Variants in LOC128462377 observed in about 807,000 individuals in gnomAD.
At chr16:89,367,864 G>C in the LOC128462377 span, among the ~76,000 whole-genome samples, 66 of 152,234 alleles carry the variant, frequency 4.3e-4, 1 homozygote, top group African/African-American at 1.5e-3. Flanking sequence ...AAATCAGTCA[G>C]GCACGGTGGT....
chr16:89,320,566 G>A, the LOC128462377 span, among the ~76,000 whole-genome samples: 1 of 152,172 alleles, frequency 6.6e-6, no homozygotes, highest in Admixed American at 6.5e-5. Flanking sequence ...ACCTCCTGGC[G>A]GATGGCAACC....
chr16:89,357,682 C>G, the LOC128462377 span, among the ~76,000 whole-genome samples: 1 of 152,300 alleles, frequency 6.6e-6, no homozygotes, highest in East Asian at 1.9e-4. Flanking sequence ...TCAGCCCTAA[C>G]GAGGAATGCC....
chr16:89,355,217 G>A, the LOC128462377 span, among the ~76,000 whole-genome samples: 1 of 151,998 alleles, frequency 6.6e-6, no homozygotes, highest in South Asian at 2.1e-4. Flanking sequence ...GGCGGGCAGA[G>A]GGCTCACGGA....
At chr16:89,357,500 C>T in the LOC128462377 span, among the ~76,000 whole-genome samples, 2 of 152,178 alleles carry the variant, frequency 1.3e-5, no homozygotes, top group Admixed American at 6.5e-5. Flanking sequence ...AGCATATGAT[C>T]CAGCAGTTCC....
the LOC128462377 span, among the ~76,000 whole-genome samples, chr16:89,387,989 G>T: frequency 3.2e-3 from 489 of 150,750 alleles, 2 homozygotes; most frequent in African/African-American, 0.011. Flanking sequence ...CTCCAGCCTG[G>T]GCAACAGAGC....
chr16:89,383,536 A>G, the LOC128462377 span, among the ~76,000 whole-genome samples: 1 of 152,264 alleles, frequency 6.6e-6, no homozygotes, highest in Non-Finnish European at 1.5e-5. Context: ...GTCTGCAAGA[A>G]GGAAGAGCCA....
At chr16:89,369,155 A>G in the LOC128462377 span, among the ~76,000 whole-genome samples, 393 of 152,312 alleles carry the variant, frequency 2.6e-3, 3 homozygotes, top group African/African-American at 8.7e-3. Context: ...AGATCACAGC[A>G]TAAGCACCCC....
the LOC128462377 span, among the ~76,000 whole-genome samples, chr16:89,330,561 G>A: frequency 2.0e-5 from 3 of 151,380 alleles, no homozygotes; most frequent in Admixed American, 6.6e-5. Context: ...GGGTGGTGTG[G>A]GGGGGAGCCA....
the LOC128462377 span, among the ~76,000 whole-genome samples, chr16:89,359,130 T>C: frequency 0.034 from 5,117 of 152,140 alleles, 281 homozygotes; most frequent in African/African-American, 0.12. Flanking sequence ...ATTGTCACTG[T>C]CCTCATCTAA....
chr16:89,403,792 G>A, the LOC128462377 span: 1 of 152,162 alleles, frequency 6.6e-6, no homozygotes, highest in African/African-American at 2.4e-5. Context: ...AATTAGGCGG[G>A]TGTGGTGACA....
chr16:89,325,869 C>T, the LOC128462377 span, among the ~76,000 whole-genome samples: 9 of 152,150 alleles, frequency 5.9e-5, no homozygotes, highest in African/African-American at 1.9e-4. Flanking sequence ...GAAGGAGGGC[C>T]CCATCGCCCT....
At chr16:89,383,612 C>G in the LOC128462377 span, among the ~76,000 whole-genome samples, 1 of 152,160 alleles carries the variant, frequency 6.6e-6, no homozygotes, top group South Asian at 2.1e-4. Context: ...CATGGTGTCA[C>G]GTCGAGCCCC....
At chr16:89,351,319 G>A in the LOC128462377 span, among the ~76,000 whole-genome samples, 1 of 152,156 alleles carries the variant, frequency 6.6e-6, no homozygotes, top group Non-Finnish European at 1.5e-5. Context: ...TCCTGAAGGG[G>A]ATGGCATCCA....
the LOC128462377 span, among the ~76,000 whole-genome samples, chr16:89,365,309 T>C: frequency 6.6e-6 from 1 of 152,214 alleles, no homozygotes; most frequent in South Asian, 2.1e-4. Context: ...CATCACCTCC[T>C]GACGTTTCCA....
the LOC128462377 span, among the ~76,000 whole-genome samples, chr16:89,414,790 T>A: frequency 2.6e-5 from 4 of 152,078 alleles, no homozygotes; most frequent in African/African-American, 9.7e-5. Flanking sequence ...GGCACCTAAG[T>A]CACGCCCAGA....
the LOC128462377 span, among the ~76,000 whole-genome samples, chr16:89,356,481 A>G: frequency 6.6e-6 from 1 of 152,032 alleles, no homozygotes; most frequent in Non-Finnish European, 1.5e-5. Context: ...TCTATAAAGA[A>G]TGTAACAGGG....
At chr16:89,412,857 C>A in the LOC128462377 span, among the ~76,000 whole-genome samples, 1 of 152,170 alleles carries the variant, frequency 6.6e-6, no homozygotes, top group African/African-American at 2.4e-5. Flanking sequence ...AGTCCCCCAG[C>A]AGGACCTCTC....
chr16:89,371,800 C>T, the LOC128462377 span, among the ~76,000 whole-genome samples: 252 of 152,316 alleles, frequency 1.7e-3, 3 homozygotes, highest in Non-Finnish European at 2.9e-4. Flanking sequence ...GCCACGCCCT[C>T]TGCCCAGGCC....
At chr16:89,353,407 G>A in the LOC128462377 span, among the ~76,000 whole-genome samples, 1 of 152,060 alleles carries the variant, frequency 6.6e-6, no homozygotes, top group Non-Finnish European at 1.5e-5. Flanking sequence ...TTCTCCAGAG[G>A]ATCTCAAAAG....
Sources: gnomAD v4.1 joint callset for allele counts (sites outside exome capture counted in the v4.1 genomes callset) on GRCh38, gnomAD v4.1.1 for gene constraint, MANE v1.5 for transcripts.